ECE1: variants seen among roughly 807,000 people sequenced by gnomAD.
The protein encoded by ECE1 is endothelin-converting enzyme 1.
A neutral mutation model predicts 98.6 loss-of-function variants in ECE1; 35 were observed. That is an observed-to-expected ratio of 0.35 (90% confidence interval 0.27 to 0.47). The LOEUF (loss-of-function observed/expected upper bound fraction) is 0.47, where lower values mean the gene tolerates loss of function less well. ECE1 is among the 20% of genes least tolerant of loss of function. ECE1 has a pLI of 1.00. For synonymous variants in ECE1, 394 were observed against 407.1 expected (o/e 0.97, Z 0.39); for missense variants, 814 against 1,025.3 (o/e 0.79, Z 2.81).
intron 14 of ECE1, among the ~76,000 whole-genome samples, chr1:21,232,757 C>T (rs71636967): frequency 0.035 from 5,278 of 151,456 alleles, 110 homozygotes; most frequent in Middle Eastern, 0.051. Context: ...CTGCAACCTC[C>T]GCCTCCCGGG....
At chr1:21,275,770 A>G (rs1173705458) in intron 3 of ECE1, among the ~76,000 whole-genome samples, 1 of 152,154 alleles carries the variant, frequency 6.6e-6, no homozygotes, top group Non-Finnish European at 1.5e-5. Flanking sequence ...TGCTTCATGC[A>G]TTTTGATGAC....
intron 3 of ECE1, among the ~76,000 whole-genome samples, chr1:21,274,579 G>A (rs1046046698): frequency 1.3e-5 from 2 of 152,186 alleles, no homozygotes; most frequent in African/African-American, 2.4e-5. Flanking sequence ...GAAGTTTCAG[G>A]CCAGTCTTTA....
intron 1 of ECE1, among the ~76,000 whole-genome samples, chr1:21,304,111 C>T (rs1377498586): frequency 1.3e-5 from 2 of 150,316 alleles, no homozygotes; most frequent in East Asian, 2.0e-4. Flanking sequence ...GTCAGCAGAT[C>T]GAGACCATCC....
intron 4 of ECE1, among the ~76,000 whole-genome samples, chr1:21,265,084 T>C (rs4654914): frequency 7.2e-4 from 110 of 152,382 alleles, no homozygotes; most frequent in Admixed American, 6.0e-3. Flanking sequence ...TCTTCCCTGC[T>C]GGAATGTAAC....
intron 1 of ECE1, among the ~76,000 whole-genome samples, chr1:21,339,957 T>C (rs1276327274): frequency 1.3e-5 from 2 of 152,214 alleles, no homozygotes; most frequent in Non-Finnish European, 2.9e-5. Context: ...CCGCCAGCAC[T>C]GGTTGTTCAT....
chr1:21,220,055 C>T lies in ECE1; in HGVS notation c.2213G>A (p.Arg738Gln), dbSNP rs777351184. ...GGAATTGGAGAGGGAGCCGATGACCCGGAAGCGAGAGGGGCTGTGGGGATC... is the reference window on the plus strand; with the variant it reads ...GGAATTGGAGAGGGAGCCGATGACCTGGAAGCGAGAGGGGCTGTGGGGATC... Reference protein sequence around the residue: ...ITDPHSPSRFRVIGSLSNSKE... With the variant: ...ITDPHSPSRFQVIGSLSNSKE... The change falls in exon 19 of 19, where the codon CGG (arginine) becomes CAG (glutamine). Residue 738 changes from arginine to glutamine, a missense_variant. This residue lies in a region of ECE1 where 452 missense variants were observed against 567.3 expected (regional missense o/e 0.80). Transcript: ENST00000374893. The surrounding 1 kb of genome is among the most constrained non-coding windows in gnomAD (Gnocchi z 5.0). The T allele has an allele frequency of 3.7e-6, 6 of 1,614,188 alleles. No individual in the cohort carries two copies. The highest frequency in any genetic ancestry group is 1.6e-4 in the Middle Eastern group (1 of 6,062).
chr1:21,316,221 A>G (rs944491096), intron 1 of ECE1, among the ~76,000 whole-genome samples: 1 of 152,168 alleles, frequency 6.6e-6, no homozygotes, highest in African/African-American at 2.4e-5. Context: ...CTGTTCTCTC[A>G]GTGAGGAATC....
intron 3 of ECE1, among the ~76,000 whole-genome samples, chr1:21,275,701 G>C (rs1220901231): frequency 6.6e-6 from 1 of 152,204 alleles, no homozygotes; most frequent in East Asian, 1.9e-4. Flanking sequence ...GCAATGGCTT[G>C]ATTATTTAAC....
intron 10 of ECE1, among the ~76,000 whole-genome samples, chr1:21,240,279 G>A (rs1397083390): frequency 6.6e-6 from 1 of 152,132 alleles, no homozygotes; most frequent in African/African-American, 2.4e-5. Context: ...CTGAGGTCAG[G>A]AGTTCGAGAC....
rs1177771203 is a variant in ECE1 at position 21,221,945 on chromosome 1, C to G, written c.2041-103G>C. On this transcript the variant is annotated intron_variant, in intron 17 of 18. Coordinates refer to ENST00000374893, the MANE Select transcript of ECE1 (RefSeq NM_001397.3). The stretch of plus-strand genomic sequence containing the variant: ...GAGCTCCCCCGTGTTGGGGCAAGGA[C>G]TAGTTTCTGGGGATCTGGGCCTGGG... The G allele has an allele frequency of 5.7e-6, 6 of 1,045,612 alleles. No individual in the cohort carries two copies. In the African/African-American group the frequency reaches 9.4e-5, roughly 16 times the overall value. The allele number at this position is 1,045,612 out of a possible 1,614,324, so 64.8% of individuals were successfully genotyped here. A position where few individuals can be genotyped will look rare whatever the true frequency, so the allele number is the denominator to read the frequency against.
At chr1:21,253,159 T>C (rs928806476) in intron 8 of ECE1, among the ~76,000 whole-genome samples, 1 of 151,952 alleles carries the variant, frequency 6.6e-6, no homozygotes, top group Admixed American at 6.6e-5. Flanking sequence ...TGGGTTCAAG[T>C]GATTCTCCTG....
Position 21,274,804 on chromosome 1 carries a change from A to G in ECE1, c.281-1893T>C, listed in dbSNP as rs77624589. Reference sequence around the variant, plus strand: ...TTGAGATAATCACACAACAATTAAAAATTATTGTTCACAGCCGAGAGGTGT... The same window carrying G: ...TTGAGATAATCACACAACAATTAAAGATTATTGTTCACAGCCGAGAGGTGT... On this transcript the variant is annotated intron_variant, in intron 3 of 18. Coordinates refer to ENST00000374893, the MANE Select transcript of ECE1 (RefSeq NM_001397.3). Among the ~76,000 whole-genome samples the G allele has an allele frequency of 7.7e-3, 1,175 of 152,346 alleles. 16 individuals carry two copies. Among genetic ancestry groups the G allele is most frequent in the African/African-American group, 0.027 (1,123 of 41,578 alleles).
At position 21,258,814 on chromosome 1, in the gene ECE1, G is replaced by A; in HGVS notation, c.641C>T (p.Pro214Leu). Reference protein sequence around the residue: ...ERLGGWNITGPWAKDNFQDTL... With the variant: ...ERLGGWNITGLWAKDNFQDTL... ...GTCCTGGAAGTTGTCCTTGGCCCAG[G>A]GACCTGTGATGTTCCAGCCCCCGAG... The change falls in exon 6 of 19, where the codon CCC becomes CTC. Residue 214 changes from proline to leucine, a missense_variant. Physicochemically the swap from Pro to Leu is moderately conservative, Grantham distance 98. Transcript: ENST00000374893. This position sits in a 1 kb window ranked among gnomAD's most constrained non-coding sequence, Gnocchi z 4.2. The A allele has an allele frequency of 6.2e-7, 1 of 1,614,196 alleles. No individual in the cohort carries two copies. Among genetic ancestry groups the A allele is most frequent in the African/African-American group, 1.3e-5 (1 of 75,058 alleles).
intron 1 of ECE1, among the ~76,000 whole-genome samples, chr1:21,328,463 C>T (rs1228967031): frequency 6.6e-6 from 1 of 152,148 alleles, no homozygotes; most frequent in Non-Finnish European, 1.5e-5. Context: ...GCAGATGTCC[C>T]CAAGAATCTG....
chr1:21,263,548 G>C (rs987856248), intron 4 of ECE1, among the ~76,000 whole-genome samples: 5 of 152,054 alleles, frequency 3.3e-5, no homozygotes, highest in African/African-American at 1.2e-4. Flanking sequence ...GTAGAGACTG[G>C]GTTTCACCAT....
At chr1:21,284,517 G>A (rs1363135570) in intron 2 of ECE1, among the ~76,000 whole-genome samples, 1 of 152,248 alleles carries the variant, frequency 6.6e-6, no homozygotes, top group Non-Finnish European at 1.5e-5. Context: ...GAGAGAGCCA[G>A]AGAAACAGAA....
At chr1:21,316,955 G>A (rs1181986777) in intron 1 of ECE1, among the ~76,000 whole-genome samples, 1 of 152,130 alleles carries the variant, frequency 6.6e-6, no homozygotes, top group South Asian at 2.1e-4. Flanking sequence ...TTGGGAGGCC[G>A]AGGTGGGCGG....
At chr1:21,257,225 G>A (rs1359320895) in intron 7 of ECE1, among the ~76,000 whole-genome samples, 2 of 152,220 alleles carry the variant, frequency 1.3e-5, no homozygotes, top group Non-Finnish European at 2.9e-5. Context: ...GGGTTAATGG[G>A]AGGGTCACAG....
In ECE1 at chr1:21,220,725, G is replaced by A. The variant is rs539999568; in HGVS notation, c.2137-594C>T. On this transcript the variant is annotated intron_variant, in intron 18 of 18. Transcript: ENST00000374893. This position sits in a 1 kb window ranked among gnomAD's most constrained non-coding sequence, Gnocchi z 5.0. Reference sequence around the variant, plus strand: ...GCAGGAGAATCACTTGAACCCGGGAGGTTGAGGTTGCAGTGAGCCAAGATC... The same window carrying A: ...GCAGGAGAATCACTTGAACCCGGGAAGTTGAGGTTGCAGTGAGCCAAGATC... Among the ~76,000 whole-genome samples, 1 of 152,174 alleles carries A rather than the reference G, an allele frequency of 6.6e-6. No homozygotes were observed. Among genetic ancestry groups the A allele is most frequent in the Non-Finnish European group, 1.5e-5 (1 of 68,024 alleles).
Sources: allele counts gnomAD v4.1 joint callset (sites outside exome capture counted in the v4.1 genomes callset), GRCh38; gene constraint gnomAD v4.1.1; regional missense constraint gnomAD v4.1.1; non-coding constraint Gnocchi (gnomAD v3.1); transcripts MANE v1.5; gene names NCBI Gene and HGNC (gene_info 2026-07-23, HGNC 2026-07-21).